Variants in CLASP1 observed in about 807,000 individuals in gnomAD.
The protein encoded by CLASP1 is cytoplasmic linker associated protein 1, also known as CLIP-associating protein 1.
Under a neutral mutation model 192.3 loss-of-function variants are expected in CLASP1, and 38 were observed. That is an observed-to-expected ratio of 0.20 (90% CI 0.15 to 0.26). The LOEUF (loss-of-function observed/expected upper bound fraction) is 0.26, where lower values mean the gene tolerates loss of function less well. Ranked by LOEUF, CLASP1 falls within the 10% of genes least tolerant of loss-of-function variation. The pLI, the probability that CLASP1 is intolerant of heterozygous loss-of-function variation, is 1.00. For missense variants in CLASP1, 1,433 were observed against 1,932.5 expected, an observed-to-expected ratio of 0.74 and a Z score of 4.85; for synonymous variants, 691 against 712.8, an observed-to-expected ratio of 0.97 and a Z score of 0.49.
chr2:121,557,778 A>G (rs927645150), intron 2 of CLASP1, among the ~76,000 whole-genome samples: 1 of 151,502 alleles, frequency 6.6e-6, no homozygotes, highest in African/African-American at 2.4e-5. Flanking sequence ...AAAAAGAAAA[A>G]AAAAGAATAC....
chr2:121,505,424 C>T (rs2093913193), intron 7 of CLASP1: 1 of 152,238 alleles, frequency 6.6e-6, no homozygotes, highest in Non-Finnish European at 1.5e-5. Flanking sequence ...TTTTACTCTC[C>T]TGCCTCACTA....
chr2:121,641,663 T>C (rs571740606), intron 1 of CLASP1, among the ~76,000 whole-genome samples: 1 of 152,354 alleles, frequency 6.6e-6, no homozygotes, highest in African/African-American at 2.4e-5. Context: ...TGATTGCTTA[T>C]TCTTTTTTAA....
intron 1 of CLASP1, among the ~76,000 whole-genome samples, chr2:121,639,264 G>C (rs531058432): frequency 1.3e-5 from 2 of 151,852 alleles, no homozygotes. Context: ...GCGACAGAGC[G>C]AGACTCTGTC....
intron 2 of CLASP1, among the ~76,000 whole-genome samples, chr2:121,599,367 A>G (rs2105849175): frequency 6.7e-6 from 1 of 150,276 alleles, no homozygotes; most frequent in Non-Finnish European, 1.5e-5. Flanking sequence ...AGGCTGGTGG[A>G]TCAGGCAGTC....
intron 2 of CLASP1, among the ~76,000 whole-genome samples, chr2:121,585,928 A>AC (rs2061672841): frequency 1.3e-5 from 2 of 151,624 alleles, no homozygotes; most frequent in African/African-American, 4.8e-5. Flanking sequence ...TCTTTCAACC[A>AC]AGATACTTAA....
chr2:121,454,425 C>T (rs904089016), intron 14 of CLASP1, among the ~76,000 whole-genome samples: 2 of 152,118 alleles, frequency 1.3e-5, no homozygotes, highest in African/African-American at 4.8e-5. Context: ...GCTGGCACGC[C>T]GACTTTGAAC....
At chr2:121,622,762 C>T (rs553630140) in intron 1 of CLASP1, among the ~76,000 whole-genome samples, 1 of 152,206 alleles carries the variant, frequency 6.6e-6, no homozygotes, top group South Asian at 2.1e-4. Flanking sequence ...GAGCTCATAA[C>T]AGTTTTATAG....
At chr2:121,490,142 C>T in intron 8 of CLASP1, 3 of 334,518 alleles carry the variant, frequency 9.0e-6, no homozygotes, top group Non-Finnish European at 1.7e-5. Flanking sequence ...ATACCAACAA[C>T]ATTCATAACA....
chr2:121,593,191 C>A (rs182753873), intron 2 of CLASP1, among the ~76,000 whole-genome samples: 1 of 152,286 alleles, frequency 6.6e-6, no homozygotes, highest in East Asian at 1.9e-4. Flanking sequence ...CTACAGTATT[C>A]CTGCCAAAAT....
At chr2:121,356,353 G>A (rs1004244486) in intron 37 of CLASP1, among the ~76,000 whole-genome samples, 1 of 152,238 alleles carries the variant, frequency 6.6e-6, no homozygotes, top group Non-Finnish European at 1.5e-5. Context: ...CAATGCCCCA[G>A]ATTGGCACTG....
At chr2:121,443,454 C>T (rs2083725227) in intron 19 of CLASP1, among the ~76,000 whole-genome samples, 1 of 152,198 alleles carries the variant, frequency 6.6e-6, no homozygotes, top group Non-Finnish European at 1.5e-5. Context: ...TCCTCCCCTC[C>T]CAGTAAGGCT....
intron 30 of CLASP1, among the ~76,000 whole-genome samples, chr2:121,390,397 T>A (rs1002149481): frequency 6.6e-6 from 1 of 152,236 alleles, no homozygotes; most frequent in Admixed American, 6.5e-5. Flanking sequence ...AGAGTACTGC[T>A]GACTTTTTCT....
Position 121,436,311 on chromosome 2 carries a change from G to A in CLASP1, c.1913-6134C>T, listed in dbSNP as rs141550603. Among the ~76,000 whole-genome samples, 1,001 of 151,316 alleles carry A rather than the reference G, an allele frequency of 6.6e-3. 5 individuals are homozygous for A. The highest frequency in any genetic ancestry group is 9.1e-3 in the Non-Finnish European group (617 of 67,826). On this transcript the variant is annotated intron_variant, in intron 19 of 39. Coordinates refer to ENST00000263710, the Ensembl canonical transcript of CLASP1. Reference sequence around the variant, plus strand: ...CCTCCCAAAGCATTGGGATTAAGGCGTGAGCCACCGTACCTGGCCTTACTA... The same window carrying A: ...CCTCCCAAAGCATTGGGATTAAGGCATGAGCCACCGTACCTGGCCTTACTA...
chr2:121,444,195 TAGAA>T (rs755641421), intron 19 of CLASP1, among the ~76,000 whole-genome samples: 40 of 152,290 alleles, frequency 2.6e-4, no homozygotes, highest in Non-Finnish European at 5.0e-4. Flanking sequence ...AATACAAAAA[TAGAA>T]AGAGCTTCTT....
intron 8 of CLASP1, among the ~76,000 whole-genome samples, chr2:121,478,660 A>ACC (rs200131240): frequency 2.1e-5 from 1 of 46,534 alleles, no homozygotes; most frequent in Non-Finnish European, 3.7e-5. Flanking sequence ...ACACACACAC[A>ACC]CCCCCCACAC....
intron 23 of CLASP1, among the ~76,000 whole-genome samples, chr2:121,416,166 T>C (rs2078536866): frequency 6.6e-6 from 1 of 152,164 alleles, no homozygotes; most frequent in South Asian, 2.1e-4. Context: ...TTCAACAGAA[T>C]ATTCTAAAAA....
At chr2:121,639,482 G>A (rs923637940) in intron 1 of CLASP1, among the ~76,000 whole-genome samples, 1 of 152,086 alleles carries the variant, frequency 6.6e-6, no homozygotes, top group Admixed American at 6.6e-5. Context: ...TTTCTATTTG[G>A]GATGATGGAA....
rs377138909 is a variant in CLASP1 at position 121,405,503 on chromosome 2, G to C, written c.2670-1069C>G. Among the ~76,000 whole-genome samples the C allele has an allele frequency of 1.6e-4, 24 of 152,208 alleles. 2 individuals carry two copies. In the South Asian group the frequency reaches 4.6e-3, roughly 29 times the overall value. On this transcript the variant is annotated intron_variant, in intron 25 of 39. Transcript: ENST00000263710. ...GTGCCCTTTGCCTTTTCTGATCCTT[G>C]ACTACTACCAAGTCCCATGTTTAAA...
At chr2:121,377,700 T>C (rs1327643019) in intron 33 of CLASP1, 51 bp from the exon 35 acceptor site, 7 of 1,272,830 alleles carry the variant, frequency 5.5e-6, no homozygotes, top group Non-Finnish European at 7.5e-6. Flanking sequence ...TACATAGAAC[T>C]GAGATATGGG....
Sources: gnomAD v4.1 joint callset for allele counts (sites outside exome capture counted in the v4.1 genomes callset) on GRCh38, gnomAD v4.1.1 for gene constraint, MANE v1.5 for transcripts, NCBI Gene and HGNC (gene_info 2026-07-23, HGNC 2026-07-21) for gene names.